TLR1: variants seen among roughly 807,000 people sequenced by gnomAD.
The protein encoded by TLR1 is toll like receptor 1, also known as toll-like receptor 1.
TLR1 carries 19 observed loss-of-function variants against 20.2 expected under a neutral mutation model. That is an observed-to-expected ratio of 0.94 (90% CI 0.66 to 1.38). The LOEUF is 1.38. Among genes scored for constraint, TLR1 ranks in the 40% most tolerant of loss-of-function variants. The pLI is 0.00. For missense variants in TLR1, 921 were observed against 910.0 expected (o/e 1.01, Z -0.16); for synonymous variants, 320 against 334.5 (o/e 0.96, Z 0.47).
chr4:38,802,198 A>AAAAC (rs758588564), intron 2 of TLR1, among the ~76,000 whole-genome samples: 38 of 152,284 alleles, frequency 2.5e-4, no homozygotes, highest in African/African-American at 8.9e-4. Context: ...CTCTGTCTCA[A>AAAAC]AAACAAACAA....
Position 38,797,951 on chromosome 4 carries a change from T to C in TLR1, c.881A>G (p.Tyr294Cys). The change falls in exon 4 of 4, where the codon TAT becomes TGT. Residue 294 changes from tyrosine (Y) to cysteine (C), a missense_variant. Transcript: ENST00000308979. ...QGQLDFRDFD[Y>C]SGTSLKALSI... ...CAAGGCCTTCAAGGAAGTGCCAGAA[T>C]AATCAAAATCTCTGAAGTCCAGCTG... 6.2e-7 allele frequency: 1 copy of C among 1,614,210 alleles called. No individual in the cohort carries two copies.
rs200088165 is a variant in TLR1 at position 38,796,970 on chromosome 4, C to T, written c.1862G>A (p.Arg621His). 70 of 1,614,016 alleles carry T rather than the reference C, an allele frequency of 4.3e-5. No individual in the cohort carries two copies. In the East Asian group the frequency reaches 6.9e-4, roughly 16 times the overall value. Residue 621 changes from arginine to histidine, a missense_variant, in exon 4 of 4, where the codon CGC becomes CAC. Transcript: ENST00000308979. ...RMVCQWTQTR[R>H]RARNIPLEEL... ...TTCTAAGGGTATGTTCCTGGCCCTG[C>T]GCCGGGTCTGGGTCCACTGGCACAC...
At chr4:38,791,321 T>C (rs1353415893), downstream of TLR1, 1 of 152,240 alleles carries the variant, frequency 6.6e-6, no homozygotes, top group Non-Finnish European at 1.5e-5. Context: ...TGGGGACACT[T>C]GGGCTGCATT....
intron 2 of TLR1, among the ~76,000 whole-genome samples, chr4:38,801,848 G>A (rs1198658450): frequency 6.6e-6 from 1 of 152,154 alleles, no homozygotes; most frequent in Non-Finnish European, 1.5e-5. Context: ...CAGGAGAGGG[G>A]CCCCCCAACC....
At chr4:38,799,604 T>A (rs958109862) in intron 3 of TLR1, among the ~76,000 whole-genome samples, 9 of 152,180 alleles carry the variant, frequency 5.9e-5, no homozygotes, top group Non-Finnish European at 1.0e-4. Context: ...GCCCCAAGCT[T>A]CCCAAAATTA....
At chr4:38,803,567 T>G (rs1278909107) in intron 2 of TLR1, among the ~76,000 whole-genome samples, 1 of 152,180 alleles carries the variant, frequency 6.6e-6, no homozygotes, top group Non-Finnish European at 1.5e-5. Context: ...CCATTCTTAT[T>G]TCTATAATTA....
chr4:38,798,060 A>G lies in TLR1; in HGVS notation c.772T>C (p.Trp258Arg), dbSNP rs772007988. 1.2e-5 allele frequency: 20 copies of G among 1,613,750 alleles called. No individual in the cohort carries two copies. The South Asian group carries it at 2.2e-4, about 18-fold the overall frequency. ...TGGAGGATCCTAATGAAAGAATTCC[A>G]AGTTGTTTCAATGTTGTTTAAGGTA... ...NLTLNNIETT[W>R]NSFIRILQLV... Residue 258 changes from tryptophan to arginine, a missense_variant, in exon 4 of 4, where the codon TGG becomes CGG. By Grantham distance (101) the Trp-to-Arg change is moderately radical (BLOSUM62 -3). Transcript: ENST00000308979.
downstream of TLR1, among the ~76,000 whole-genome samples, chr4:38,789,696 CG>C (rs1163274976): frequency 3.3e-5 from 5 of 152,102 alleles, no homozygotes; most frequent in South Asian, 6.2e-4. Context: ...CTCTTGACCT[CG>C]GGTGATCCAC....
Position 38,800,907 on chromosome 4 carries a change from G to A in TLR1, c.-118C>T, listed in dbSNP as rs5743596. The A allele has an allele frequency of 0.12, 19,004 of 152,610 alleles. 1,623 individuals are homozygous for A. Among genetic ancestry groups the A allele is most frequent in the Middle Eastern group, 0.29 (85 of 294 alleles). 9.5% of individuals were successfully genotyped at this position (152,610 alleles called of 1,614,324 possible). ...CTTTGTTATCCTGATTTCTTCTAAC[G>A]AGGAAGAGGGCCTGGTACCCCTATT... On this transcript the variant is annotated 5_prime_UTR_variant, in exon 3 of 4. Coordinates refer to ENST00000308979, the MANE Select transcript of TLR1 (RefSeq NM_003263.4).
At position 38,798,638 on chromosome 4, in the gene TLR1, A is replaced by C. The variant is rs149960231; in HGVS notation, c.194T>G (p.Ile65Ser). 76 of 1,613,666 alleles carry C rather than the reference A, an allele frequency of 4.7e-5. 1 individual carries two copies. Among genetic ancestry groups the C allele is most frequent in the Middle Eastern group, 1.6e-4 (1 of 6,080 alleles). Residue 65 changes from isoleucine (I) to serine (S), a missense_variant, in exon 4 of 4, where the codon ATC (isoleucine) becomes AGC (serine). Coordinates refer to ENST00000308979, the MANE Select transcript of TLR1 (RefSeq NM_003263.4). ...NYISELWTSD[I>S]LSLSKLRILI... is the part of the protein sequence containing the mutation. ...AATCCTCAGTTTTGACAGTGATAAG[A>C]TGTCAGAAGTCCAAAGCTCAGATAT...
rs1362209417 is a variant in TLR1 at position 38,798,258 on chromosome 4, G to A, written c.574C>T (p.Leu192=). 1 of 1,612,566 alleles carries A rather than the reference G, an allele frequency of 6.2e-7. No individual in the cohort carries two copies. Among genetic ancestry groups the A allele is most frequent in the East Asian group, 2.2e-5 (1 of 44,860 alleles). ...TTGTTTGTGGGGAACACAATGTGCA[G>A]ACTCTCAGTGTTAAAGTCTTGAAGG... The part of the protein sequence containing the change: ...EGLQDFNTES[L]HIVFPTNKEF... Residue 192 remains leucine, a synonymous_variant, in exon 4 of 4, where the codon CTG becomes TTG. Transcript: ENST00000308979.
chr4:38,796,383 A>C lies in TLR1; in HGVS notation c.*88T>G, dbSNP rs924720055. On this transcript the variant is annotated 3_prime_UTR_variant, in exon 4 of 4. Transcript: ENST00000308979. ...ATCATACACTCACAATTGTGTTTAC[A>C]TCTATGCTGATGCAAAATAAAGTCA... is the stretch of plus-strand genomic sequence containing the variant. 26 of 1,446,644 alleles carry C rather than the reference A, an allele frequency of 1.8e-5. No homozygotes were observed. The South Asian group carries it at 1.9e-4, about 10-fold the overall frequency. The allele number at this position is 1,446,644 out of a possible 1,614,324, so 89.6% of individuals were successfully genotyped here. A position where few individuals can be genotyped will look rare whatever the true frequency, so the allele number is the denominator to read the frequency against.
chr4:38,792,997 C>T (rs2109336867), downstream of TLR1, among the ~76,000 whole-genome samples: 1 of 151,918 alleles, frequency 6.6e-6, no homozygotes, highest in East Asian at 1.9e-4. Flanking sequence ...GGAGGTCCCC[C>T]GAGTGAGGTG....
chr4:38,797,745 T>A lies in TLR1; in HGVS notation c.1087A>T (p.Thr363Ser). ...AGGTGCCCACAATTTTCAAAAACCGTGTCTGTTAAGAGATTATTGGAAAAA... is the reference window on the plus strand; with the variant it reads ...AGGTGCCCACAATTTTCAAAAACCGAGTCTGTTAAGAGATTATTGGAAAAA... ...LDFSNNLLTD[T>S]VFENCGHLTE... The change falls in exon 4 of 4, where the codon ACG becomes TCG. Residue 363 changes from threonine (T) to serine (S), a missense_variant. Thr to Ser is a moderately conservative substitution (Grantham distance 58, BLOSUM62 1). Coordinates refer to ENST00000308979, the MANE Select transcript of TLR1 (RefSeq NM_003263.4). 6.2e-7 allele frequency: 1 copy of A among 1,614,044 alleles called. No individual in the cohort carries two copies. The highest frequency in any genetic ancestry group is 8.5e-7 in the Non-Finnish European group (1 of 1,179,966).
chr4:38,798,878 AT>A lies in TLR1; in HGVS notation c.-48del, dbSNP rs1726428998. On this transcript the variant is annotated 5_prime_UTR_variant, in exon 4 of 4. An upstream start codon of the reference 5' UTR is lost. Coordinates refer to ENST00000308979, the MANE Select transcript of TLR1 (RefSeq NM_003263.4). ...AAAGGTAGAAGCTGTTCTTCAGATC[AT>A]CTTGATACAGATACAGATTCTAGAA... The A allele has an allele frequency of 7.4e-7, 1 of 1,352,248 alleles. No individual in the cohort carries two copies. The highest frequency in any genetic ancestry group is 1.5e-5 in the African/African-American group (1 of 68,414). 83.8% of individuals were successfully genotyped at this position (1,352,248 alleles called of 1,614,324 possible). A position where few individuals can be genotyped will look rare whatever the true frequency, so the allele number is the denominator to read the frequency against.
rs748875262 is a variant in TLR1, at chr4:38,797,376, A to G, written c.1456T>C (p.Cys486Arg). ...AFNSLTDLPGCGSFSSLSVLI... is the reference protein window; with the variant it reads ...AFNSLTDLPGRGSFSSLSVLI... ...ACAGAAAGGCTGCTAAAGCTGCCAC[A>G]TCCAGGAAGGTCAGTTAAAGAATTG... The change falls in exon 4 of 4, where the codon TGT becomes CGT. Residue 486 changes from cysteine to arginine, a missense_variant. By Grantham distance (180) the Cys-to-Arg change is radical. Transcript: ENST00000308979. 5 of 1,614,018 alleles carry G rather than the reference A, an allele frequency of 3.1e-6. No homozygotes were observed. Among genetic ancestry groups the G allele is most frequent in the South Asian group, 1.1e-5 (1 of 91,094 alleles).
At chr4:38,804,406 G>A (rs1202497586) in intron 1 of TLR1, 24 bp from the exon 2 acceptor site, 1 of 152,214 alleles carries the variant, frequency 6.6e-6, no homozygotes, top group African/African-American at 2.4e-5. Context: ...ACAAATGGCG[G>A]GATTAGGTGA....
At position 38,797,048 on chromosome 4, in the gene TLR1, A is replaced by G. The variant is rs1726143459; in HGVS notation, c.1784T>C (p.Val595Ala). ...GTAGCTGCAGAGGGAGGTCACAGTC[A>G]CAGCCAACACCAGCATGGTGGCAAC... Reference protein sequence around the residue: ...TIVATMLVLAVTVTSLCSYLD... With the variant: ...TIVATMLVLAATVTSLCSYLD... Residue 595 changes from valine to alanine, a missense_variant, in exon 4 of 4, where the codon GTG becomes GCG. Coordinates refer to ENST00000308979, the MANE Select transcript of TLR1 (RefSeq NM_003263.4). The G allele has an allele frequency of 1.9e-5, 30 of 1,613,904 alleles. No homozygotes were observed. Among genetic ancestry groups the G allele is most frequent in the Non-Finnish European group, 2.5e-5 (29 of 1,179,744 alleles).
upstream of TLR1, chr4:38,805,246 ACT>A (rs2109379348): frequency 6.6e-6 from 1 of 152,278 alleles, no homozygotes; most frequent in Admixed American, 6.5e-5. Context: ...GCTGAAGCAC[ACT>A]CGTAAAGAGG....
Sources: gnomAD v4.1 joint callset for allele counts (sites outside exome capture counted in the v4.1 genomes callset) on GRCh38, gnomAD v4.1.1 for gene constraint, MANE v1.5 for transcripts, NCBI Gene and HGNC (gene_info 2026-07-23, HGNC 2026-07-21) for gene names.